ADGRG1: variants seen among roughly 807,000 people sequenced by gnomAD.
The protein encoded by ADGRG1 is adhesion G protein-coupled receptor G1, also known as 7-transmembrane protein with no EGF-like N-terminal domains-1.
In ADGRG1, 53 loss-of-function variants were observed where a neutral mutation model predicts 73.5. The ratio of observed to expected loss-of-function variants is 0.72; its 90% CI spans 0.58 to 0.91. The LOEUF (loss-of-function observed/expected upper bound fraction) is 0.91. Ranked by LOEUF, ADGRG1 falls within the 40% of genes least tolerant of loss-of-function variation. The probability of loss-of-function intolerance (pLI) is 0.00; values close to 1 mark genes in which losing one functional copy is unlikely to be tolerated. For missense variants in ADGRG1, 795 were observed against 871.8 expected (o/e 0.91, Z 1.11); for synonymous variants, 394 against 374.4 (o/e 1.05, Z -0.60).
chr16:57,663,829 A>G lies in ADGRG1; in HGVS notation c.*247A>G, dbSNP rs1322885662. The G allele has an allele frequency of 1.7e-6, 1 of 577,080 alleles. No homozygotes were observed. The highest frequency in any genetic ancestry group is 1.9e-5 in the African/African-American group (1 of 53,424). The allele number at this position is 577,080 out of a possible 1,614,324, so 35.7% of individuals were successfully genotyped here. On this transcript the variant is annotated 3_prime_UTR_variant, in exon 14 of 14. Transcript: ENST00000562631. The stretch of plus-strand genomic sequence containing the variant: ...TCAGAAGTGCGCCGCCATGCTGCCT[A>G]GGGTACTGTCCCCACATCTGTCCCA...
At chr16:57,646,940 G>C (rs886722596) in intron 1 of ADGRG1, 3 of 985,164 alleles carry the variant, frequency 3.0e-6, no homozygotes, top group Non-Finnish European at 3.6e-6. Flanking sequence ...CTGTGGGGCC[G>C]TGGTTGGTAC....
chr16:57,630,202 C>T (rs2147240170), intron 1 of ADGRG1: 1 of 388,004 alleles, frequency 2.6e-6, no homozygotes, highest in Non-Finnish European at 3.5e-6. Flanking sequence ...TAGCCCCGGG[C>T]AGCCTGTTGG....
chr16:57,651,213 G>T lies in ADGRG1; in HGVS notation c.78G>T (p.Arg26Ser). The T allele has an allele frequency of 5.6e-6, 9 of 1,614,048 alleles. No individual in the cohort carries two copies. The highest frequency in any genetic ancestry group is 7.6e-6 in the Non-Finnish European group (9 of 1,179,980). ...CTGCCTCCTCAGGTGCCCACGGCAG[G>T]GGCCACAGGGAAGACTTTCGCTTCT... is the stretch of plus-strand genomic sequence containing the variant. ...LLFLVQGAHGRGHREDFRFCS... is the reference protein window; with the variant it reads ...LLFLVQGAHGSGHREDFRFCS... Residue 26 changes from arginine to serine, a missense_variant, in exon 3 of 14, where the codon AGG becomes AGT. Arg to Ser is a moderately radical substitution (Grantham distance 110). Coordinates refer to ENST00000562631, the MANE Select transcript of ADGRG1 (RefSeq NM_201525.4).
chr16:57,650,556 G>A (rs2148193705), intron 2 of ADGRG1: 1 of 337,080 alleles, frequency 3.0e-6, no homozygotes, highest in Non-Finnish European at 4.2e-6. Context: ...GAATATGGAT[G>A]GGGTACTGGC....
intron 10 of ADGRG1, among the ~76,000 whole-genome samples, 192 bp downstream of exon 10, chr16:57,657,683 C>A (rs575543421): frequency 6.6e-6 from 1 of 152,318 alleles, no homozygotes; most frequent in Non-Finnish European, 1.5e-5. Flanking sequence ...GTTTGGATAA[C>A]ATAGTATTTA....
Position 57,660,807 on chromosome 16 carries a change from A to G in ADGRG1, c.1595A>G (p.Asp532Gly). The G allele has an allele frequency of 6.2e-7, 1 of 1,613,498 alleles. No homozygotes were observed. Among genetic ancestry groups the G allele is most frequent in the Non-Finnish European group, 8.5e-7 (1 of 1,179,488 alleles). The change falls in exon 12 of 14, where the codon GAT (aspartate) becomes GGT (glycine). Residue 532 changes from aspartate to glycine, a missense_variant. Coordinates refer to ENST00000562631, the MANE Select transcript of ADGRG1 (RefSeq NM_201525.4). ...CTGGTGACGCTGGTGGCCCTGGTGG[A>G]TGTGGACAACTATGGCCCCATCATC... ...IFLVTLVALVDVDNYGPIILA... is the reference protein window; with the variant it reads ...IFLVTLVALVGVDNYGPIILA...
Position 57,653,193 on chromosome 16 carries a change from C to G in ADGRG1, c.488-10C>G, listed in dbSNP as rs751375978. 2 of 1,606,962 alleles carry G rather than the reference C, an allele frequency of 1.2e-6. No homozygotes were observed. Among genetic ancestry groups the G allele is most frequent in the Admixed American group, 3.3e-5 (2 of 60,022 alleles). On this transcript the variant is annotated splice_polypyrimidine_tract_variant and intron_variant, in intron 3 of 13. Transcript: ENST00000562631. ...CAGCCTCGGCGGGGGCCTGTCCACC[C>G]CTCCCCCAGGTCCTCCCCACACGGC...
At chr16:57,646,183 G>C (rs976471348) in intron 1 of ADGRG1, 19 of 163,586 alleles carry the variant, frequency 1.2e-4, no homozygotes, top group Non-Finnish European at 2.3e-4. Flanking sequence ...TCCATCCTCT[G>C]AGGAAATGGG....
intron 1 of ADGRG1, chr16:57,634,257 C>T (rs1165919530): frequency 2.9e-5 from 29 of 985,292 alleles, no homozygotes; most frequent in Non-Finnish European, 3.4e-5. Flanking sequence ...GTCTCGGACC[C>T]TGTGGCAGGG....
chr16:57,647,695 T>C, intron 1 of ADGRG1: 1 of 685,800 alleles, frequency 1.5e-6, no homozygotes, highest in Non-Finnish European at 1.8e-6. Flanking sequence ...AGCCAGCCCC[T>C]CCCCTCAAGC....
intron 1 of ADGRG1, chr16:57,630,222 G>A (rs1276091545): frequency 2.3e-6 from 1 of 437,676 alleles, no homozygotes; most frequent in African/African-American, 2.1e-5. Context: ...GCTCCTTGGG[G>A]TCAGAGACTG....
At chr16:57,653,091 A>G in intron 3 of ADGRG1, 112 bp from the exon 4 acceptor site, 1 of 1,584,580 alleles carries the variant, frequency 6.3e-7, no homozygotes, top group South Asian at 1.1e-5. Flanking sequence ...TCCCCTTTGT[A>G]AAGTAAAGAT....
At chr16:57,636,548 C>A in intron 1 of ADGRG1, 1 of 985,102 alleles carries the variant, frequency 1.0e-6, no homozygotes. Flanking sequence ...TGCTTGAACC[C>A]TCTCCATCCC....
chr16:57,651,688 A>G (rs1264030429), intron 3 of ADGRG1, 66 bp downstream of exon 3: 2 of 1,545,148 alleles, frequency 1.3e-6, no homozygotes, highest in Non-Finnish European at 1.8e-6. Flanking sequence ...GGCAAAATGC[A>G]AAGTGGACTG....
At position 57,659,495 on chromosome 16, in the gene ADGRG1, A is replaced by C. The variant is rs1280633438; in HGVS notation, c.1369A>C (p.Ser457Arg). The C allele has an allele frequency of 6.2e-7, 1 of 1,613,818 alleles. No homozygotes were observed. Among genetic ancestry groups the C allele is most frequent in the East Asian group, 2.2e-5 (1 of 44,880 alleles). ...VFLLDTSFLL[S>R]EPVALTGSEA... ...CCTGCTGGACACGAGCTTCCTGCTC[A>C]GCGAGCCGGTGGCCCTGACAGGCTC... The change falls in exon 11 of 14, where the codon AGC becomes CGC. Residue 457 changes from serine to arginine, a missense_variant. By Grantham distance (110) the Ser-to-Arg change is moderately radical. Transcript: ENST00000562631.
chr16:57,630,074 C>A (rs867635602), intron 1 of ADGRG1: 2 of 907,848 alleles, frequency 2.2e-6, no homozygotes, highest in Non-Finnish European at 2.6e-6. Context: ...ATTTATTGAG[C>A]GCTTACTGTG....
intron 1 of ADGRG1, chr16:57,635,032 G>T (rs1284309486): frequency 2.0e-6 from 2 of 985,344 alleles, no homozygotes; most frequent in Non-Finnish European, 2.4e-6. Context: ...GGGAGCAGAG[G>T]GGGAGAGGGA....
intron 3 of ADGRG1, chr16:57,652,265 C>A: frequency 2.2e-6 from 1 of 446,170 alleles, no homozygotes; most frequent in Non-Finnish European, 3.0e-6. Flanking sequence ...CCATTAAATG[C>A]TGAATGGTGG....
intron 1 of ADGRG1, 183 bp downstream of exon 1, chr16:57,628,985 T>TGG: frequency 2.0e-6 from 1 of 495,098 alleles, no homozygotes; most frequent in African/African-American, 3.1e-5. Flanking sequence ...TGAGAGTGAG[T>TGG]GAGAATGTGA....
Sources: gnomAD v4.1 joint callset for allele counts (sites outside exome capture counted in the v4.1 genomes callset) on GRCh38, gnomAD v4.1.1 for gene constraint, MANE v1.5 for transcripts, NCBI Gene and HGNC (gene_info 2026-07-23, HGNC 2026-07-21) for gene names.